Variants in PAX2 observed in about 807,000 individuals in gnomAD.
PAX2 encodes paired box 2, also known as paired box protein Pax-2.
In PAX2, 9 loss-of-function variants were observed where a neutral mutation model predicts 41.7. The observed-to-expected ratio is 0.22, with a 90% CI of 0.13 to 0.38. The LOEUF is 0.38. Among genes scored for constraint, PAX2 ranks in the 10% least tolerant of loss-of-function variants. The pLI, the probability that PAX2 is intolerant of heterozygous loss-of-function variation, is 1.00. For synonymous variants in PAX2, 221 were observed against 212.7 expected, an observed-to-expected ratio of 1.04 and a Z score of -0.34; for missense variants, 418 against 531.6, an observed-to-expected ratio of 0.79 and a Z score of 2.10.
chr10:100,749,942 A>G, intron 2 of PAX2, 28 bp downstream of exon 2: 1 of 1,606,886 alleles, frequency 6.2e-7, no homozygotes, highest in Non-Finnish European at 8.5e-7. Flanking sequence ...GTCCCGGGAG[A>G]CGCCTTGCCT....
At chr10:100,747,912 A>G in intron 1 of PAX2, 1 of 983,812 alleles carries the variant, frequency 1.0e-6, no homozygotes, top group Non-Finnish European at 1.2e-6. Flanking sequence ...GGGTCCGCCG[A>G]GTCCTGGCTG....
At chr10:100,742,917 G>C (rs4917908), upstream of PAX2, among the ~76,000 whole-genome samples, 110,637 of 137,484 alleles carry the variant, frequency 0.8, 44,452 homozygotes, top group East Asian at 1. Context: ...CTACTAGACT[G>C]TATAGAAGAA....
chr10:100,749,233 T>A (rs983095827), intron 1 of PAX2: 2 of 989,756 alleles, frequency 2.0e-6, no homozygotes, highest in African/African-American at 3.5e-5. Flanking sequence ...CAGGCACTTA[T>A]CCCCTGTCTG....
intron 3 of PAX2, among the ~76,000 whole-genome samples, chr10:100,772,562 G>T (rs991389749): frequency 5.3e-5 from 8 of 152,208 alleles, no homozygotes; most frequent in African/African-American, 1.9e-4. Flanking sequence ...GGGCAATGGG[G>T]CCAGCTAGTC....
Position 100,745,661 on chromosome 10 carries a change from T to A in PAX2, c.-600T>A. Reference sequence around the variant, plus strand: ...TGCCAGCGCCGCTCGGCTCCCTCCCTCCCTCCCGGCCCTTCGGCCGCGGCG... The same window carrying A: ...TGCCAGCGCCGCTCGGCTCCCTCCCACCCTCCCGGCCCTTCGGCCGCGGCG... On this transcript the variant is annotated 5_prime_UTR_variant, in exon 1 of 10. Coordinates refer to ENST00000355243, the MANE Select transcript of PAX2 (RefSeq NM_000278.5). 1.3e-6 allele frequency: 1 copy of A among 768,880 alleles called. No individual in the cohort carries two copies. Among genetic ancestry groups the A allele is most frequent in the Non-Finnish European group, 1.6e-6 (1 of 621,830 alleles). 47.6% of individuals were successfully genotyped at this position (768,880 alleles called of 1,614,324 possible).
chr10:100,803,558 C>T (rs755344985), intron 5 of PAX2, among the ~76,000 whole-genome samples: 1 of 152,074 alleles, frequency 6.6e-6, no homozygotes, highest in Non-Finnish European at 1.5e-5. Flanking sequence ...CTGGGCCCTG[C>T]GGCTCACCTC....
exon 1 of PAX2, chr10:100,735,662 G>T (rs951666155): frequency 1.9e-6 from 2 of 1,060,306 alleles, no homozygotes; most frequent in East Asian, 1.0e-4. Flanking sequence ...GGAGGAGCGG[G>T]ACAGCCAGAC....
Position 100,748,771 on chromosome 10 carries a change from C to G in PAX2, c.44-975C>G. 1.0e-6 allele frequency: 1 copy of G among 985,460 alleles called. No homozygotes were observed. Among genetic ancestry groups the G allele is most frequent in the Non-Finnish European group, 1.2e-6 (1 of 829,958 alleles). The allele number at this position is 985,460 out of a possible 1,614,324, so 61.0% of individuals were successfully genotyped here. On this transcript the variant is annotated intron_variant, in intron 1 of 9. Coordinates refer to ENST00000355243, the MANE Select transcript of PAX2 (RefSeq NM_000278.5). The surrounding 1 kb of genome is among the most constrained non-coding windows in gnomAD (Gnocchi z 5.0). ...TTGGCCGAAAGAGCAAAAGCCCGAGCCGCTCGGTTTCCTGGGGGGGCTGCC... is the reference window on the plus strand; with the variant it reads ...TTGGCCGAAAGAGCAAAAGCCCGAGGCGCTCGGTTTCCTGGGGGGGCTGCC...
chr10:100,817,389 T>C (rs1848225233), intron 7 of PAX2, among the ~76,000 whole-genome samples: 1 of 152,230 alleles, frequency 6.6e-6, no homozygotes, highest in African/African-American at 2.4e-5. Context: ...CCTAGGATGC[T>C]GAAGCTGCAT....
intron 5 of PAX2, among the ~76,000 whole-genome samples, chr10:100,785,529 C>T (rs553256702): frequency 1.8e-4 from 28 of 152,246 alleles, no homozygotes; most frequent in African/African-American, 6.0e-4. Context: ...CTGCAGATGG[C>T]CGAGTCCTGT....
rs1389876205 is a variant in PAX2 at position 100,746,093 on chromosome 10, C to T, written c.-168C>T. ...TCCGGCCAACCCGGAGGAGCCCCAG[C>T]GGGGAGCGCAGTGCTGCGCCCCCCG... On this transcript the variant is annotated 5_prime_UTR_variant, in exon 1 of 10. Coordinates refer to ENST00000355243, the MANE Select transcript of PAX2 (RefSeq NM_000278.5). 1.3e-6 allele frequency: 2 copies of T among 1,518,118 alleles called. No homozygotes were observed. Among genetic ancestry groups the T allele is most frequent in the African/African-American group, 1.4e-5 (1 of 71,804 alleles). 94.0% of individuals were successfully genotyped at this position (1,518,118 alleles called of 1,614,324 possible). A position where few individuals can be genotyped will look rare whatever the true frequency, so the allele number is the denominator to read the frequency against.
At chr10:100,747,998 G>T in intron 1 of PAX2, 1 of 984,048 alleles carries the variant, frequency 1.0e-6, no homozygotes, top group South Asian at 4.7e-5. Flanking sequence ...GCCGCAGCGC[G>T]GGCCCGCGGG....
intron 7 of PAX2, among the ~76,000 whole-genome samples, chr10:100,823,762 C>T (rs1159958666): frequency 1.3e-5 from 2 of 152,016 alleles, no homozygotes; most frequent in African/African-American, 4.8e-5. Flanking sequence ...GGTGGTGGCC[C>T]CTTCATAGCC....
upstream of PAX2, among the ~76,000 whole-genome samples, chr10:100,744,479 C>A (rs1450087459): frequency 3.9e-5 from 6 of 152,372 alleles, no homozygotes; most frequent in East Asian, 7.7e-4. Context: ...CGGACCCCAG[C>A]GAGCAAGGGA....
chr10:100,735,460 G>A, exon 1 of PAX2: 1 of 234,536 alleles, frequency 4.3e-6, no homozygotes, highest in African/African-American at 2.2e-5. Context: ...ACGCGTGTGC[G>A]CGGGGCGGAG....
intron 7 of PAX2, among the ~76,000 whole-genome samples, chr10:100,819,968 G>A (rs1340976217): frequency 1.3e-5 from 2 of 152,206 alleles, no homozygotes; most frequent in East Asian, 1.9e-4. Flanking sequence ...AGAATCTTCA[G>A]GGACTTCTGC....
intron 5 of PAX2, among the ~76,000 whole-genome samples, chr10:100,796,963 A>T (rs1179973172): frequency 1.3e-5 from 2 of 152,240 alleles, no homozygotes; most frequent in East Asian, 1.9e-4. Flanking sequence ...GAGGGAATCC[A>T]ATTAAATTCT....
At chr10:100,740,778 G>GCTGTGCA (rs5787399), upstream of PAX2, among the ~76,000 whole-genome samples, 120,850 of 151,510 alleles carry the variant, frequency 0.8, 48,424 homozygotes, top group East Asian at 1. Context: ...GGCCCCTTTA[G>GCTGTGCA]GAGGTCCATG....
At chr10:100,810,920 C>G (rs1847970539) in intron 7 of PAX2, among the ~76,000 whole-genome samples, 1 of 151,934 alleles carries the variant, frequency 6.6e-6, no homozygotes, top group Non-Finnish European at 1.5e-5. Context: ...GCTGATCCAT[C>G]TGGATCCAAG....
Sources: gnomAD v4.1 joint callset for allele counts (sites outside exome capture counted in the v4.1 genomes callset) on GRCh38, gnomAD v4.1.1 for gene constraint, Gnocchi (gnomAD v3.1) non-coding constraint, MANE v1.5 for transcripts, NCBI Gene and HGNC (gene_info 2026-07-23, HGNC 2026-07-21) for gene names.